ABCA4: variants seen among roughly 807,000 people sequenced by gnomAD.
ABCA4 encodes ATP binding cassette subfamily A member 4.
ABCA4 carries 196 observed loss-of-function variants against 263.7 expected under a neutral mutation model. That is an observed-to-expected ratio of 0.74 (90% CI 0.66 to 0.84). The LOEUF is 0.84. Among genes scored for constraint, ABCA4 ranks in the 40% least tolerant of loss-of-function variants. The pLI is 0.00. For missense variants in ABCA4, 2,792 were observed against 2,855.1 expected, an observed-to-expected ratio of 0.98 and a Z score of 0.50; for synonymous variants, 1,133 against 1,094.2, an observed-to-expected ratio of 1.04 and a Z score of -0.70.
intron 7 of ABCA4, among the ~76,000 whole-genome samples, 172 bp from the exon 8 acceptor site, chr1:94,080,890 C>G (rs955044881): frequency 6.6e-6 from 1 of 152,144 alleles, no homozygotes; most frequent in African/African-American, 2.4e-5. Flanking sequence ...CTACTGCCAT[C>G]TACTTAGGGA....
At chr1:94,019,888 T>C in intron 35 of ABCA4, 129 bp from the exon 36 acceptor site, 1 of 966,152 alleles carries the variant, frequency 1.0e-6, no homozygotes, top group Non-Finnish European at 1.6e-6. Context: ...TCCTCTTCTC[T>C]ACCTTGAAGC....
chr1:93,992,938 C>G lies in ABCA4; in HGVS notation c.*299G>C, dbSNP rs538804441. On this transcript the variant is annotated 3_prime_UTR_variant, in exon 50 of 50. Coordinates refer to ENST00000370225, the MANE Select transcript of ABCA4 (RefSeq NM_000350.3). ...AAAGCAGATCTGCTTGAAATGAGAG[C>G]AATATGGAGGCCAAAGCTGCTAGTG... The G allele has an allele frequency of 1.7e-3, 841 of 484,858 alleles. 10 individuals are homozygous for G. The highest frequency in any genetic ancestry group is 0.013 in the South Asian group (569 of 42,364). The allele number at this position is 484,858 out of a possible 1,614,324, so 30.0% of individuals were successfully genotyped here.
chr1:94,090,931 C>G (rs554016744), intron 6 of ABCA4, among the ~76,000 whole-genome samples: 1 of 151,966 alleles, frequency 6.6e-6, no homozygotes, highest in African/African-American at 2.4e-5. Flanking sequence ...CACCTGGGGA[C>G]GGGGAAGTGA....
At chr1:94,020,509 G>A (rs980851312) in intron 35 of ABCA4, among the ~76,000 whole-genome samples, 3 of 152,124 alleles carry the variant, frequency 2.0e-5, no homozygotes, top group Non-Finnish European at 4.4e-5. Flanking sequence ...TGACTGGAAG[G>A]AGACACACGA....
chr1:94,037,199 C>T lies in ABCA4; in HGVS notation c.3759G>A (p.Thr1253=), dbSNP rs147884766. The T allele has an allele frequency of 4.3e-4, 689 of 1,614,228 alleles. 2 individuals are homozygous for T. In the African/African-American group the frequency reaches 5.7e-3, roughly 13 times the overall value. ...YASLFRELEE[T]LADLGLSSFG... is the part of the protein sequence containing the mutation. ...AACTGCTGAGACCAAGGTCAGCCAG[C>T]GTCTCCTCCAGCTCTCTGAAAAGGC... The change falls in exon 25 of 50, where the codon ACG becomes ACA. Residue 1253 remains threonine (T), a synonymous_variant. Coordinates refer to ENST00000370225, the MANE Select transcript of ABCA4 (RefSeq NM_000350.3).
chr1:94,091,175 T>C (rs186952257), intron 6 of ABCA4, among the ~76,000 whole-genome samples: 1 of 152,320 alleles, frequency 6.6e-6, no homozygotes, highest in African/African-American at 2.4e-5. Flanking sequence ...ATACCCTTTT[T>C]TCCATCTTGT....
intron 6 of ABCA4, among the ~76,000 whole-genome samples, chr1:94,091,419 G>C (rs1180664563): frequency 6.6e-6 from 1 of 151,846 alleles, no homozygotes; most frequent in Non-Finnish European, 1.5e-5. Flanking sequence ...ACTTTCCCAG[G>C]GCTCTCCTCT....
rs762323426 is a variant in ABCA4, at chr1:94,079,398, C to T, written c.1163G>A (p.Arg388Lys). Residue 388 changes from arginine to lysine, a missense_variant, in exon 9 of 50, where the codon AGG becomes AAG. By Grantham distance (26) the Arg-to-Lys change is conservative (BLOSUM62 2). Transcript: ENST00000370225. Reference sequence around the variant, plus strand: ...TCCCATCAGCAAAGGCTTTGCCGCCCTCCAAGCGATTTTGGTTAAAGGATT... The same window carrying T: ...TCCCATCAGCAAAGGCTTTGCCGCCTTCCAAGCGATTTTGGTTAAAGGATT... The part of the protein sequence containing the change: ...ESNPLTKIAW[R>K]AAKPLLMGKI... The T allele has an allele frequency of 1.2e-6, 2 of 1,614,174 alleles. No homozygotes were observed. The highest frequency in any genetic ancestry group is 4.5e-5 in the East Asian group (2 of 44,882).
chr1:94,039,952 TC>T (rs1660442099), intron 24 of ABCA4, 90 bp downstream of exon 24: 6 of 1,087,176 alleles, frequency 5.5e-6, no homozygotes, highest in Non-Finnish European at 8.3e-6. Flanking sequence ...TTCTCTTTGC[TC>T]CCATTAAAAT....
intron 23 of ABCA4, 105 bp downstream of exon 23, chr1:94,041,104 T>C (rs1396945344): frequency 3.4e-6 from 4 of 1,168,978 alleles, no homozygotes; most frequent in Non-Finnish European, 5.1e-6. Context: ...AAGACACTGA[T>C]TCTGGTGGCG....
intron 1 of ABCA4, among the ~76,000 whole-genome samples, chr1:94,114,543 G>A (rs994832554): frequency 6.6e-6 from 1 of 151,996 alleles, no homozygotes; most frequent in African/African-American, 2.4e-5. Context: ...CTGGAGTGCA[G>A]TGGCACGATC....
rs4147864 is a variant in ABCA4, at chr1:94,001,682, G to A, written c.6282+176C>T. Reference sequence around the variant, plus strand: ...GCTGTGCCGTGACTTGTTTTTCTCCGGAGCTGTGTGAACCAAACACTGGGC... The same window carrying A: ...GCTGTGCCGTGACTTGTTTTTCTCCAGAGCTGTGTGAACCAAACACTGGGC... On this transcript the variant is annotated intron_variant, in intron 45 of 49. Coordinates refer to ENST00000370225, the MANE Select transcript of ABCA4 (RefSeq NM_000350.3). The A allele has an allele frequency of 0.076, 70,435 of 927,840 alleles. 4,527 individuals are homozygous for A. The highest frequency in any genetic ancestry group is 0.29 in the African/African-American group (17,900 of 61,026). 57.5% of individuals were successfully genotyped at this position (927,840 alleles called of 1,614,324 possible).
At chr1:94,056,571 G>T (rs766758982) in intron 15 of ABCA4, 30 bp downstream of exon 15, 4 of 1,604,576 alleles carry the variant, frequency 2.5e-6, no homozygotes, top group Admixed American at 3.4e-5. Flanking sequence ...GAAACGTGTT[G>T]TAGGACAGGG....
rs1348030082 is a variant in ABCA4, at chr1:94,092,992, A to C, written c.768+5802T>G. On this transcript the variant is annotated intron_variant, in intron 6 of 49. Coordinates refer to ENST00000370225, the MANE Select transcript of ABCA4 (RefSeq NM_000350.3). ...TTCTCGATTTTACGGATGGGAGGCT[A>C]AGATTTCCTTTAAATGGCAGCAAGT... 3.3e-5 allele frequency among the ~76,000 whole-genome samples: 5 copies of C among 152,172 alleles called. No homozygotes were observed. In the South Asian group the frequency reaches 1.0e-3, roughly 32 times the overall value.
chr1:94,057,086 A>G (rs1422859056), intron 14 of ABCA4, among the ~76,000 whole-genome samples: 1 of 152,158 alleles, frequency 6.6e-6, no homozygotes, highest in African/African-American at 2.4e-5. Context: ...GTGTTCCTAC[A>G]TCAGCAAACC....
chr1:94,084,961 C>T (rs1462585447), intron 6 of ABCA4, among the ~76,000 whole-genome samples: 3 of 152,106 alleles, frequency 2.0e-5, no homozygotes, highest in Admixed American at 6.5e-5. Flanking sequence ...CTCCTGTCTC[C>T]CCTGAGATTA....
chr1:94,091,465 T>C (rs192939899), intron 6 of ABCA4, among the ~76,000 whole-genome samples: 132 of 152,148 alleles, frequency 8.7e-4, no homozygotes, highest in Non-Finnish European at 1.3e-3. Context: ...TCTGTTCAAA[T>C]TCACATGAAT....
In ABCA4 at chr1:94,062,805, C is replaced by G. The variant is rs534440025; in HGVS notation, c.1761-52G>C. The G allele has an allele frequency of 8.2e-6, 13 of 1,581,136 alleles. No individual in the cohort carries two copies. The East Asian group carries it at 2.9e-4, about 36-fold the overall frequency. On this transcript the variant is annotated intron_variant, in intron 12 of 49. Transcript: ENST00000370225. Reference sequence around the variant, plus strand: ...TGGGAACGGGCTTGGATAGCTCACTCACACCTCCCGACCACAGGGTGACTC... The same window carrying G: ...TGGGAACGGGCTTGGATAGCTCACTGACACCTCCCGACCACAGGGTGACTC...
chr1:94,105,690 C>A (rs1031428575), intron 4 of ABCA4, among the ~76,000 whole-genome samples: 1 of 151,948 alleles, frequency 6.6e-6, no homozygotes, highest in Non-Finnish European at 1.5e-5. Flanking sequence ...AGGAGGCTCC[C>A]GGGAAGAAGG....
Sources: gnomAD v4.1 joint callset for allele counts (sites outside exome capture counted in the v4.1 genomes callset) on GRCh38, gnomAD v4.1.1 for gene constraint, MANE v1.5 for transcripts, NCBI Gene and HGNC (gene_info 2026-07-23, HGNC 2026-07-21) for gene names.